Variants in MROH7 observed in about 807,000 individuals in gnomAD.
MROH7 encodes maestro heat like repeat family member 7, also known as maestro heat-like repeat-containing protein family member 7.
MROH7 carries 113 observed loss-of-function variants against 129.2 expected under a neutral mutation model. The ratio of observed to expected loss-of-function variants is 0.87; its 90% CI spans 0.75 to 1.02. The LOEUF (loss-of-function observed/expected upper bound fraction) is 1.02, where lower values mean the gene tolerates loss of function less well. Ranked by LOEUF, MROH7 falls within the 50% of genes least tolerant of loss-of-function variation. MROH7 has a pLI of 0.00. For synonymous variants in MROH7, 655 were observed against 667.9 expected, an observed-to-expected ratio of 0.98 and a Z score of 0.30; for missense variants, 1,601 against 1,671.3, an observed-to-expected ratio of 0.96 and a Z score of 0.73.
chr1:54,664,132 G>A (rs1644776728), intron 3 of MROH7: 2 of 168,402 alleles, frequency 1.2e-5, no homozygotes, highest in Non-Finnish European at 1.3e-5. Context: ...TGGGTCCCAG[G>A]CCCACACCTA....
intron 4 of MROH7, among the ~76,000 whole-genome samples, chr1:54,667,065 T>TA (rs1441052682): frequency 1.3e-5 from 2 of 152,206 alleles, no homozygotes; most frequent in African/African-American, 4.8e-5. Flanking sequence ...ATTGAGCCTC[T>TA]ACTATGTGCC....
rs2101066212 is a variant in MROH7, at chr1:54,653,141, C to T, written c.215C>T (p.Ala72Val). Residue 72 changes from alanine to valine, a missense_variant, in exon 3 of 24, where the codon GCC (alanine) becomes GTC (valine). By Grantham distance (64) the Ala-to-Val change is moderately conservative. Transcript: ENST00000421030. The part of the protein sequence containing the change: ...NDSLSPVSGE[A>V]SGLVSENTPR... ...TCTTTGAGTCCAGTCTCAGGGGAGG[C>T]CTCAGGCCTGGTGTCTGAAAACACC... The T allele has an allele frequency of 6.2e-7, 1 of 1,614,164 alleles. No homozygotes were observed. Among genetic ancestry groups the T allele is most frequent in the Non-Finnish European group, 8.5e-7 (1 of 1,180,030 alleles).
chr1:54,642,895 G>A (rs568993183), intron 1 of MROH7, among the ~76,000 whole-genome samples: 9 of 152,334 alleles, frequency 5.9e-5, no homozygotes, highest in Admixed American at 1.3e-4. Context: ...GATTATAGGC[G>A]TGAGCCATTG....
chr1:54,698,017 G>A, intron 17 of MROH7: 2 of 280,996 alleles, frequency 7.1e-6, no homozygotes, highest in Non-Finnish European at 1.3e-5. Context: ...CCCAGAAGAG[G>A]TGTCTGCTCC....
At chr1:54,699,143 TTTCTTTCTTTCTTTC>T (rs1385259844) in intron 17 of MROH7, 2 of 95,900 alleles carry the variant, frequency 2.1e-5, no homozygotes, top group East Asian at 5.2e-4. Context: ...TCTTTCTTTC[TTTCTTTCTTTCTTTC>T]TTTTCTTTCT....
At position 54,692,407 on chromosome 1, in the gene MROH7, T is replaced by C; in HGVS notation, c.2712-17T>C. The C allele has an allele frequency of 1.2e-6, 2 of 1,613,750 alleles. No individual in the cohort carries two copies. The highest frequency in any genetic ancestry group is 1.7e-6 in the Non-Finnish European group (2 of 1,179,766). Reference sequence around the variant, plus strand: ...GGCCCAGGTAGGCATGAGGTCTTAATTGCCTTGTCTTGGCAGCTGGGTGGT... The same window carrying C: ...GGCCCAGGTAGGCATGAGGTCTTAACTGCCTTGTCTTGGCAGCTGGGTGGT... On this transcript the variant is annotated splice_polypyrimidine_tract_variant and intron_variant, in intron 15 of 23. Transcript: ENST00000421030.
chr1:54,705,835 C>T (rs112508400), intron 21 of MROH7, among the ~76,000 whole-genome samples: 51 of 152,266 alleles, frequency 3.3e-4, no homozygotes, highest in African/African-American at 1.1e-3. Context: ...GGAGAGTGAT[C>T]AGATCAGATT....
chr1:54,705,895 G>T (rs1226028262), intron 21 of MROH7, among the ~76,000 whole-genome samples: 2 of 152,164 alleles, frequency 1.3e-5, no homozygotes, highest in Admixed American at 1.3e-4. Context: ...TCCTTAGCTG[G>T]ACAACTGTCT....
intron 4 of MROH7, 51 bp downstream of exon 4, chr1:54,665,291 T>C: frequency 2.0e-6 from 3 of 1,485,158 alleles, no homozygotes; most frequent in Non-Finnish European, 1.9e-6. Context: ...ACTTCCATCC[T>C]GCCAACCCCC....
intron 15 of MROH7, among the ~76,000 whole-genome samples, chr1:54,690,016 T>C (rs1049501149): frequency 3.9e-5 from 6 of 152,164 alleles, no homozygotes; most frequent in South Asian, 2.1e-4. Flanking sequence ...AGCAACTCCA[T>C]GTCAGATCAA....
At chr1:54,670,692 C>T in intron 6 of MROH7, 108 bp from the exon 7 acceptor site, 1 of 784,138 alleles carries the variant, frequency 1.3e-6, no homozygotes, top group Non-Finnish European at 1.9e-6. Context: ...TCGCCCGGTG[C>T]CTTTTCCCCT....
At position 54,673,091 on chromosome 1, in the gene MROH7, G is replaced by T. The variant is rs911758301; in HGVS notation, c.1600G>T (p.Ala534Ser). Residue 534 changes from alanine to serine, a missense_variant and splice_region_variant, in exon 8 of 24, where the codon GCT becomes TCT. Ala to Ser is a moderately conservative substitution (Grantham distance 99). Transcript: ENST00000421030. ...KDEAKAETIQ[A>S]LYHQTLEALQ... ...GGCTTGGTCCTCCTCCCATCCACAGGCTCTTTACCATCAGACCCTGGAGGC... is the reference window on the plus strand; with the variant it reads ...GGCTTGGTCCTCCTCCCATCCACAGTCTCTTTACCATCAGACCCTGGAGGC... The T allele has an allele frequency of 6.2e-7, 1 of 1,613,094 alleles. No individual in the cohort carries two copies. The highest frequency in any genetic ancestry group is 1.7e-5 in the Admixed American group (1 of 59,978).
intron 12 of MROH7, 140 bp downstream of exon 12, chr1:54,679,579 TGCTGG>T: frequency 2.1e-6 from 2 of 954,632 alleles, no homozygotes; most frequent in Non-Finnish European, 3.1e-6. Context: ...AGGGAAGGGG[TGCTGG>T]TGGCTGAGTT....
rs1553176969 is a variant in MROH7, at chr1:54,699,187, C to CTTTCTTTCTTTCTT, written c.2965-1133_2965-1132insTTCTTTCTTTCTTT. 17 of 75,966 alleles carry CTTTCTTTCTTTCTT rather than the reference C, an allele frequency of 2.2e-4. 1 individual carries two copies. Among genetic ancestry groups the CTTTCTTTCTTTCTT allele is most frequent in the Admixed American group, 1.7e-3 (13 of 7,556 alleles). 4.7% of individuals were successfully genotyped at this position (75,966 alleles called of 1,614,324 possible). A position where few individuals can be genotyped will look rare whatever the true frequency, so the allele number is the denominator to read the frequency against. ...TCTTTCTTTCTTTCTTTCTTTCTTT[C>CTTTCTTTCTTTCTT]TCTTTCTTTCTTTCTTTCTCTCCCT... On this transcript the variant is annotated intron_variant, in intron 17 of 23. Coordinates refer to ENST00000421030, the MANE Select transcript of MROH7 (RefSeq NM_001039464.4).
intron 17 of MROH7, chr1:54,699,139 T>TG (rs1645378897): frequency 9.9e-6 from 1 of 100,964 alleles, no homozygotes; most frequent in African/African-American, 3.9e-5. Context: ...TCTTTCTTTC[T>TG]TTCTTTCTTT....
At chr1:54,666,788 G>A (rs1644821996) in intron 4 of MROH7, among the ~76,000 whole-genome samples, 1 of 152,054 alleles carries the variant, frequency 6.6e-6, no homozygotes, top group South Asian at 2.1e-4. Flanking sequence ...GGGATTAGTA[G>A]CAAGAATTAA....
chr1:54,682,816 C>G (rs759842102), intron 14 of MROH7, 22 bp downstream of exon 14: 6 of 1,605,156 alleles, frequency 3.7e-6, no homozygotes, highest in Non-Finnish European at 2.5e-6. Flanking sequence ...GTCAGCCAGC[C>G]CCTATTGCTG....
Position 54,704,793 on chromosome 1 carries a change from CTTTTT to C in MROH7, c.3565-1623_3565-1619del, listed in dbSNP as rs750428757. Among the ~76,000 whole-genome samples the C allele has an allele frequency of 2.8e-4, 19 of 67,830 alleles. No homozygotes were observed. In the East Asian group the frequency reaches 3.6e-3, roughly 13 times the overall value. The allele number at this position is 67,830 out of a possible 152,430, so 44.5% of individuals were successfully genotyped here. On this transcript the variant is annotated intron_variant, in intron 21 of 23. Transcript: ENST00000421030. The stretch of plus-strand genomic sequence containing the variant: ...ACATGAATTAGCATTCAATGTAGCT[CTTTTT>C]TTTTTTTTTTTTTTTTTTGAGATGG...
Position 54,710,065 on chromosome 1 carries a change from G to C in MROH7, c.3850G>C (p.Val1284Leu), listed in dbSNP as rs757165401. 3 of 1,614,126 alleles carry C rather than the reference G, an allele frequency of 1.9e-6. No individual in the cohort carries two copies. The highest frequency in any genetic ancestry group is 2.5e-6 in the Non-Finnish European group (3 of 1,180,024). ...CTGGCTGCCGCACGGGAACTCATGG[G>C]TGTGTTACTCAGCCACCACCCACCG... ...NSWLPHGNSW[V>L]CYSATTHRWS... is the part of the protein sequence containing the mutation. Residue 1284 changes from valine to leucine, a missense_variant, in exon 24 of 24, where the codon GTG becomes CTG. Physicochemically the swap from Val to Leu is conservative, Grantham distance 32 (BLOSUM62 1). Coordinates refer to ENST00000421030, the MANE Select transcript of MROH7 (RefSeq NM_001039464.4).
Sources: gnomAD v4.1 joint callset for allele counts (sites outside exome capture counted in the v4.1 genomes callset) on GRCh38, gnomAD v4.1.1 for gene constraint, MANE v1.5 for transcripts, NCBI Gene and HGNC (gene_info 2026-07-23, HGNC 2026-07-21) for gene names.